PTGFR: variants seen among roughly 807,000 people sequenced by gnomAD.
The protein encoded by PTGFR is prostaglandin F2-alpha receptor.
Under a neutral mutation model 26.2 loss-of-function variants are expected in PTGFR, and 15 were observed. That is an observed-to-expected ratio of 0.57 (90% CI 0.38 to 0.88). The LOEUF is 0.88. PTGFR is among the 40% of genes least tolerant of loss of function. The probability of loss-of-function intolerance (pLI) is 0.00; values close to 1 mark genes in which losing one functional copy is unlikely to be tolerated. For missense variants in PTGFR, 369 were observed against 427.2 expected, an observed-to-expected ratio of 0.86 and a Z score of 1.20; for synonymous variants, 165 against 151.1, an observed-to-expected ratio of 1.09 and a Z score of -0.68.
rs544675057 is a variant in PTGFR, at chr1:78,531,948, G to C, written c.799-4458G>C. On this transcript the variant is annotated intron_variant, in intron 2 of 2. Transcript: ENST00000370757. ...TGATATTATGTTTATCAATATTAAAGGAGTGGTGTCACACATAATGGCTGT... is the reference window on the plus strand; with the variant it reads ...TGATATTATGTTTATCAATATTAAACGAGTGGTGTCACACATAATGGCTGT... Among the ~76,000 whole-genome samples the C allele has an allele frequency of 2.0e-5, 3 of 152,088 alleles. No individual in the cohort carries two copies. The East Asian group carries it at 5.8e-4, about 29-fold the overall frequency.
At chr1:78,523,188 G>C (rs1255429416) in intron 2 of PTGFR, among the ~76,000 whole-genome samples, 1 of 151,960 alleles carries the variant, frequency 6.6e-6, no homozygotes, top group African/African-American at 2.4e-5. Flanking sequence ...CAACTTGTAG[G>C]TTGTTGTACA....
At chr1:78,525,387 A>G (rs1016864015) in intron 2 of PTGFR, among the ~76,000 whole-genome samples, 3 of 151,926 alleles carry the variant, frequency 2.0e-5, no homozygotes, top group South Asian at 2.1e-4. Context: ...GAAAAGTACT[A>G]TATTTACAAT....
chr1:78,533,880 T>G lies in PTGFR; in HGVS notation c.799-2526T>G, dbSNP rs555641516. Among the ~76,000 whole-genome samples, 14 of 152,294 alleles carry G rather than the reference T, an allele frequency of 9.2e-5. No homozygotes were observed. The South Asian group carries it at 2.9e-3, about 32-fold the overall frequency. ...ATAGAATTGTTTTACGTGGCCCAAA[T>G]GAATGGAGATTCATTGTATTACCAG... On this transcript the variant is annotated intron_variant, in intron 2 of 2. Transcript: ENST00000370757.
At chr1:78,536,078 T>A (rs1650644857) in intron 2 of PTGFR, among the ~76,000 whole-genome samples, 1 of 152,162 alleles carries the variant, frequency 6.6e-6, no homozygotes, top group Non-Finnish European at 1.5e-5. Flanking sequence ...AACAAATGTG[T>A]GTTGGCTTTG....
At chr1:78,495,759 T>C (rs3766351) in intron 2 of PTGFR, among the ~76,000 whole-genome samples, 33,151 of 152,196 alleles carry the variant, frequency 0.22, 3,775 homozygotes, top group Non-Finnish European at 0.24. Flanking sequence ...ATACTCTTGG[T>C]GTGGATATTT....
Position 78,493,226 on chromosome 1 carries a change from G to A in PTGFR, c.483G>A (p.Leu161=). The change falls in exon 2 of 3, where the codon TTG becomes TTA. Residue 161 remains leucine (L), a synonymous_variant. Coordinates refer to ENST00000370757, the MANE Select transcript of PTGFR (RefSeq NM_000959.4). ...HVKMMLSGVC[L]FAVFIALLPI... is the part of the protein sequence containing the mutation. ...AAATGATGTTAAGTGGTGTGTGCTT[G>A]TTTGCTGTTTTCATAGCTTTGCTGC... 3 of 1,614,160 alleles carry A rather than the reference G, an allele frequency of 1.9e-6. No homozygotes were observed. The highest frequency in any genetic ancestry group is 1.3e-5 in the African/African-American group (1 of 75,038).
chr1:78,520,154 G>T (rs1650188188), intron 2 of PTGFR, among the ~76,000 whole-genome samples: 1 of 152,040 alleles, frequency 6.6e-6, no homozygotes, highest in African/African-American at 2.4e-5. Flanking sequence ...TTCTGAGATA[G>T]GGGGTTTTGG....
chr1:78,517,442 G>A (rs1650117069), intron 2 of PTGFR, among the ~76,000 whole-genome samples: 1 of 152,076 alleles, frequency 6.6e-6, no homozygotes, highest in Admixed American at 6.6e-5. Flanking sequence ...TAAGTGCTGT[G>A]ATTGTGGGTG....
At chr1:78,518,104 G>A (rs1259036581) in intron 2 of PTGFR, among the ~76,000 whole-genome samples, 1 of 152,054 alleles carries the variant, frequency 6.6e-6, no homozygotes, top group Non-Finnish European at 1.5e-5. Flanking sequence ...TTCTGCACAT[G>A]TATCCCAGAA....
intron 2 of PTGFR, among the ~76,000 whole-genome samples, chr1:78,529,688 TA>T (rs1190229671): frequency 2.0e-5 from 3 of 152,066 alleles, no homozygotes; most frequent in Admixed American, 6.6e-5. Context: ...AAGTTTGGAT[TA>T]AAAAAGTAAA....
Position 78,493,110 on chromosome 1 carries a change from C to CTTCT in PTGFR, c.369_372dup (p.Leu125SerfsTer9). The stretch of plus-strand genomic sequence containing the variant: ...CATGGTGTTTTCTGGTCTGTGCCCA[C>CTTCT]TTCTTCTAGGCAGTGTGATGGCCAT... On this transcript the variant is annotated frameshift_variant, in exon 2 of 3. Transcript: ENST00000370757. LOFTEE classifies it high-confidence loss of function. The CTTCT allele has an allele frequency of 6.2e-7, 1 of 1,614,208 alleles. No homozygotes were observed. Among genetic ancestry groups the CTTCT allele is most frequent in the Non-Finnish European group, 8.5e-7 (1 of 1,180,026 alleles).
rs774546435 is a variant in PTGFR at position 78,493,563 on chromosome 1, T to C, written c.798+22T>C. On this transcript the variant is annotated intron_variant, in intron 2 of 2. Coordinates refer to ENST00000370757, the MANE Select transcript of PTGFR (RefSeq NM_000959.4). Reference sequence around the variant, plus strand: ...TCTGGTAAGAGCCTGAAGTTTTGACTTCTGCTTTCTTGGGTTAATCCATGT... The same window carrying C: ...TCTGGTAAGAGCCTGAAGTTTTGACCTCTGCTTTCTTGGGTTAATCCATGT... 38 of 1,511,276 alleles carry C rather than the reference T, an allele frequency of 2.5e-5. No homozygotes were observed. The East Asian group carries it at 7.7e-4, about 31-fold the overall frequency. The allele number at this position is 1,511,276 out of a possible 1,614,324, so 93.6% of individuals were successfully genotyped here.
Position 78,536,387 on chromosome 1 carries a change from G to A in PTGFR, c.799-19G>A, listed in dbSNP as rs777582038. The A allele has an allele frequency of 3.5e-5, 55 of 1,588,424 alleles. No homozygotes were observed. The highest frequency in any genetic ancestry group is 2.5e-4 in the Admixed American group (14 of 55,176). On this transcript the variant is annotated intron_variant, in intron 2 of 2. Transcript: ENST00000370757. ...GAAAAGGCTGCATCAACTAATTTCC[G>A]TGTTTTCTTCGTTTCTAGGTTACAA...
rs553693487 is a variant in PTGFR at position 78,497,546 on chromosome 1, G to C, written c.798+4005G>C. Among the ~76,000 whole-genome samples, 3 of 152,146 alleles carry C rather than the reference G, an allele frequency of 2.0e-5. No individual in the cohort carries two copies. In the East Asian group the frequency reaches 5.8e-4, roughly 29 times the overall value. On this transcript the variant is annotated intron_variant, in intron 2 of 2. Transcript: ENST00000370757. ...ATTCTTTTGTTTCTACTTTTATATGGGTAACGATTCTTTTTAATGCTCCCC... is the reference window on the plus strand; with the variant it reads ...ATTCTTTTGTTTCTACTTTTATATGCGTAACGATTCTTTTTAATGCTCCCC...
chr1:78,524,169 G>A (rs1422970008), intron 2 of PTGFR, among the ~76,000 whole-genome samples: 1 of 151,912 alleles, frequency 6.6e-6, no homozygotes, highest in Non-Finnish European at 1.5e-5. Flanking sequence ...TTGTTCAAGG[G>A]TGTGAACCTG....
chr1:78,533,747 A>G (rs1235843567), intron 2 of PTGFR, among the ~76,000 whole-genome samples: 1 of 152,188 alleles, frequency 6.6e-6, no homozygotes, highest in Non-Finnish European at 1.5e-5. Context: ...GACATGGGGG[A>G]GAGATGATGC....
intron 2 of PTGFR, among the ~76,000 whole-genome samples, chr1:78,533,914 A>G (rs781759007): frequency 1.3e-5 from 2 of 152,124 alleles, no homozygotes; most frequent in Non-Finnish European, 2.9e-5. Flanking sequence ...AGCCTATTTT[A>G]TTCTTTGCAA....
At chr1:78,525,023 T>A (rs923493969) in intron 2 of PTGFR, among the ~76,000 whole-genome samples, 1 of 149,006 alleles carries the variant, frequency 6.7e-6, no homozygotes, top group Non-Finnish European at 1.5e-5. Context: ...CTTAGTGGTA[T>A]GAAAATAGTA....
chr1:78,500,482 C>G (rs1649675909), intron 2 of PTGFR, among the ~76,000 whole-genome samples: 1 of 152,176 alleles, frequency 6.6e-6, no homozygotes, highest in Admixed American at 6.5e-5. Flanking sequence ...TGTGGGGATA[C>G]AGGGAACTTG....
Sources: gnomAD v4.1 joint callset for allele counts (sites outside exome capture counted in the v4.1 genomes callset) on GRCh38, gnomAD v4.1.1 for gene constraint, MANE v1.5 for transcripts, NCBI Gene and HGNC (gene_info 2026-07-23, HGNC 2026-07-21) for gene names.